The following TIAM1 variants were observed in gnomAD, a reference collection of about 807,000 sequenced individuals.
TIAM1 encodes the protein TIAM Rac1 associated GEF 1.
In TIAM1, 65 loss-of-function variants were observed where a neutral mutation model predicts 163.5. The observed-to-expected ratio is 0.40, with a 90% CI of 0.33 to 0.49. The LOEUF is 0.49. Ranked by LOEUF, TIAM1 falls within the 20% of genes least tolerant of loss-of-function variation. The probability of loss-of-function intolerance (pLI) is 0.77; values close to 1 mark genes in which losing one functional copy is unlikely to be tolerated. For synonymous variants in TIAM1, 833 were observed against 810.1 expected, an observed-to-expected ratio of 1.03 and a Z score of -0.48; for missense variants, 1,789 against 2,044.7, an observed-to-expected ratio of 0.87 and a Z score of 2.41.
chr21:31,421,884 C>T (rs1274862381), intron 2 of TIAM1, among the ~76,000 whole-genome samples: 3 of 151,960 alleles, frequency 2.0e-5, no homozygotes, highest in Non-Finnish European at 2.9e-5. Flanking sequence ...TAGCTACTCG[C>T]GAGGCTGAAG....
intron 8 of TIAM1, among the ~76,000 whole-genome samples, chr21:31,220,343 T>C (rs1217838336): frequency 6.6e-6 from 1 of 152,200 alleles, no homozygotes; most frequent in Non-Finnish European, 1.5e-5. Flanking sequence ...CATACATTTG[T>C]TGCTTGAACA....
At chr21:31,381,303 T>C (rs971410034) in intron 2 of TIAM1, among the ~76,000 whole-genome samples, 3 of 152,016 alleles carry the variant, frequency 2.0e-5, no homozygotes, top group Non-Finnish European at 4.4e-5. Flanking sequence ...ATGGTATTAG[T>C]GCTCTTATAA....
Position 31,376,234 on chromosome 21 carries a change from C to T in TIAM1, c.-368-36812G>A, listed in dbSNP as rs73356832. On this transcript the variant is annotated intron_variant, in intron 2 of 28. Coordinates refer to the TIAM1 transcript ENST00000286827. ...ATGAACAGATGTATACATTCACACA[C>T]GCATGTACACATGTGCACACTCACA... Among the ~76,000 whole-genome samples the T allele has an allele frequency of 9.9e-3, 1,503 of 152,158 alleles. 28 individuals are homozygous for T. The highest frequency in any genetic ancestry group is 0.034 in the Middle Eastern group (10 of 294).
In TIAM1 at chr21:31,371,930, C is replaced by T. The variant is rs181849715; in HGVS notation, c.-368-32508G>A. ...CCACCATATTTGCAGAGCCCACCCT[C>T]GGTGAACTTGGGTTCTTCCCAAAGT... is the stretch of plus-strand genomic sequence containing the variant. On this transcript the variant is annotated intron_variant, in intron 2 of 28. Transcript: ENST00000286827. 2.0e-3 allele frequency among the ~76,000 whole-genome samples: 302 copies of T among 152,316 alleles called. 6 individuals carry two copies. The South Asian group carries it at 0.029, about 15-fold the overall frequency.
intron 5 of TIAM1, 86 bp downstream of exon 5, chr21:31,251,656 C>CA: frequency 7.2e-7 from 1 of 1,384,604 alleles, no homozygotes; most frequent in Non-Finnish European, 9.8e-7. Context: ...ACAACAACAA[C>CA]AAACCCACCC....
chr21:31,540,178 G>GAGTTCA (rs1361883102), intron 1 of TIAM1, among the ~76,000 whole-genome samples: 2 of 152,138 alleles, frequency 1.3e-5, no homozygotes, highest in East Asian at 3.9e-4. Context: ...TGGAGGTCGG[G>GAGTTCA]AGTTCAAGTC....
At chr21:31,448,868 T>C (rs2044724594) in intron 2 of TIAM1, among the ~76,000 whole-genome samples, 1 of 152,156 alleles carries the variant, frequency 6.6e-6, no homozygotes, top group Non-Finnish European at 1.5e-5. Context: ...TGGCATCTAC[T>C]TCTGAAAGTC....
intron 2 of TIAM1, among the ~76,000 whole-genome samples, chr21:31,322,649 T>C (rs2075355114): frequency 1.3e-5 from 2 of 152,194 alleles, no homozygotes; most frequent in African/African-American, 4.8e-5. Context: ...CCTGTCTCTG[T>C]GTCACGATGC....
At chr21:31,236,274 A>G (rs2088748583) in intron 6 of TIAM1, among the ~76,000 whole-genome samples, 2 of 152,214 alleles carry the variant, frequency 1.3e-5, no homozygotes, top group South Asian at 4.1e-4. Flanking sequence ...TAAAGCCTCC[A>G]TAAAAAAATA....
intron 2 of TIAM1, among the ~76,000 whole-genome samples, chr21:31,457,184 G>A (rs1393476541): frequency 1.3e-5 from 2 of 152,106 alleles, no homozygotes; most frequent in Non-Finnish European, 2.9e-5. Context: ...CTCCGGCAGG[G>A]AGCTCAGAGG....
intron 2 of TIAM1, among the ~76,000 whole-genome samples, chr21:31,382,424 C>T (rs970480694): frequency 1.3e-5 from 2 of 152,202 alleles, no homozygotes; most frequent in African/African-American, 2.4e-5. Context: ...CAAATAGATA[C>T]ATTTCAATTT....
rs1279053911 is a variant in TIAM1, at chr21:31,394,728, T to TCTCTCTCACA, written c.-368-55307_-368-55306insTGTGAGAGAG. Reference sequence around the variant, plus strand: ...CTCTCGCTCTCTCTCTCTCTCTCTCTCACACACACACACACACACACACAC... The same window carrying TCTCTCTCACA: ...CTCTCGCTCTCTCTCTCTCTCTCTCTCTCTCTCACACACACACACACACACACACACACAC... On this transcript the variant is annotated intron_variant, in intron 2 of 28. Transcript: ENST00000286827. Among the ~76,000 whole-genome samples, 19 of 95,716 alleles carry TCTCTCTCACA rather than the reference T, an allele frequency of 2.0e-4. 1 individual carries two copies. Among genetic ancestry groups the TCTCTCTCACA allele is most frequent in the Middle Eastern group, 8.9e-3 (1 of 112 alleles). 62.8% of individuals were successfully genotyped at this position (95,716 alleles called of 152,430 possible). A position where few individuals can be genotyped will look rare whatever the true frequency, so the allele number is the denominator to read the frequency against.
chr21:31,226,421 T>C (rs1037691226), intron 6 of TIAM1, among the ~76,000 whole-genome samples: 2 of 152,146 alleles, frequency 1.3e-5, no homozygotes, highest in Non-Finnish European at 2.9e-5. Flanking sequence ...TTCCTGGTGC[T>C]AAGCAGCAAG....
At chr21:31,241,783 G>A (rs2071190308) in intron 6 of TIAM1, among the ~76,000 whole-genome samples, 1 of 152,204 alleles carries the variant, frequency 6.6e-6, no homozygotes. Context: ...AAAATGGGAA[G>A]ACTGCTTGAA....
At chr21:31,204,773 C>A (rs1216146896) in intron 11 of TIAM1, among the ~76,000 whole-genome samples, 1 of 152,218 alleles carries the variant, frequency 6.6e-6, no homozygotes, top group Non-Finnish European at 1.5e-5. Context: ...AGGCAACCTG[C>A]ATTCTTGTAA....
chr21:31,185,409 TA>T (rs1009302483), intron 14 of TIAM1, among the ~76,000 whole-genome samples: 2 of 137,008 alleles, frequency 1.5e-5, no homozygotes, highest in African/African-American at 6.0e-5. Context: ...GCTATATAAT[TA>T]TATATAATTA....
At chr21:31,445,036 A>AGAAG (rs2044569175) in intron 2 of TIAM1, among the ~76,000 whole-genome samples, 3 of 102,818 alleles carry the variant, frequency 2.9e-5, no homozygotes, top group East Asian at 3.2e-4. Flanking sequence ...GAGAAGAGAA[A>AGAAG]AGAAAGAACA....
chr21:31,188,877 G>GT (rs1253609885), intron 13 of TIAM1, among the ~76,000 whole-genome samples: 5 of 151,460 alleles, frequency 3.3e-5, no homozygotes, highest in African/African-American at 7.3e-5. Flanking sequence ...CCTGGCCCCA[G>GT]TTTTTTTTCT....
intron 1 of TIAM1, among the ~76,000 whole-genome samples, chr21:31,340,413 C>T (rs1170367529): frequency 6.6e-6 from 1 of 152,140 alleles, no homozygotes. Context: ...AAACAATCAA[C>T]ACTTCCCCCA....
Sources: allele counts gnomAD v4.1 joint callset (sites outside exome capture counted in the v4.1 genomes callset), GRCh38; gene constraint gnomAD v4.1.1; transcripts MANE v1.5; gene names NCBI Gene and HGNC (gene_info 2026-07-23, HGNC 2026-07-21).